Variants in BTBD9 observed in about 807,000 individuals in gnomAD.
The protein encoded by BTBD9 is BTB/POZ domain-containing protein 9.
BTBD9 carries 49 observed loss-of-function variants against 64.3 expected under a neutral mutation model. The ratio of observed to expected loss-of-function variants is 0.76; its 90% CI spans 0.61 to 0.97. The LOEUF is 0.97. Among genes scored for constraint, BTBD9 ranks in the 50% least tolerant of loss-of-function variants. The pLI is 0.00. For synonymous variants in BTBD9, 260 were observed against 274.7 expected, an observed-to-expected ratio of 0.95 and a Z score of 0.53; for missense variants, 598 against 762.1, an observed-to-expected ratio of 0.78 and a Z score of 2.53.
intron 6 of BTBD9, among the ~76,000 whole-genome samples, chr6:38,407,351 G>C: frequency 6.6e-6 from 1 of 152,064 alleles, no homozygotes; most frequent in African/African-American, 2.4e-5. Context: ...GATCATTTCA[G>C]AGCAATAAAA....
At chr6:38,441,163 A>G (rs905018340) in intron 6 of BTBD9, among the ~76,000 whole-genome samples, 3 of 152,122 alleles carry the variant, frequency 2.0e-5, no homozygotes, top group Admixed American at 1.3e-4. Context: ...TCCAGGCCCA[A>G]AGTGTTGTGG....
At chr6:38,526,636 C>T (rs1480920264) in intron 6 of BTBD9, among the ~76,000 whole-genome samples, 1 of 152,188 alleles carries the variant, frequency 6.6e-6, no homozygotes, top group Non-Finnish European at 1.5e-5. Flanking sequence ...GGGAGTGCAC[C>T]CCTTGCATCA....
intron 9 of BTBD9, among the ~76,000 whole-genome samples, chr6:38,241,574 A>G (rs1035272405): frequency 9.2e-5 from 14 of 152,144 alleles, no homozygotes; most frequent in African/African-American, 3.4e-4. Flanking sequence ...GCACTCGCAA[A>G]CTCCCTCCAA....
intron 6 of BTBD9, among the ~76,000 whole-genome samples, chr6:38,415,274 T>C (rs1030298801): frequency 6.6e-6 from 1 of 152,114 alleles, no homozygotes; most frequent in Non-Finnish European, 1.5e-5. Context: ...AATGGGGAGA[T>C]TATTTACCCT....
In BTBD9 at chr6:38,306,418, G is replaced by T. The variant is rs76717062; in HGVS notation, c.1265-17957C>A. Among the ~76,000 whole-genome samples the T allele has an allele frequency of 5.3e-3, 812 of 152,312 alleles. 6 individuals are homozygous for T. Among genetic ancestry groups the T allele is most frequent in the African/African-American group, 0.018 (754 of 41,560 alleles). On this transcript the variant is annotated intron_variant, in intron 7 of 10. Transcript: ENST00000481247. ...AAGGCAAAGGTGAACCGCCTGGACA[G>T]AAATTACTTTTCCCCCTCTGTGCAC...
chr6:38,407,548 G>C (rs970096016), intron 6 of BTBD9, among the ~76,000 whole-genome samples: 1 of 151,968 alleles, frequency 6.6e-6, no homozygotes, highest in African/African-American at 2.4e-5. Flanking sequence ...GTCTAGCTGG[G>C]GTTTTGAAGA....
intron 6 of BTBD9, among the ~76,000 whole-genome samples, chr6:38,573,281 A>T (rs7767791): frequency 0.064 from 9,722 of 152,244 alleles, 751 homozygotes; most frequent in East Asian, 0.24. Context: ...GAAATTGAGT[A>T]CAACATTTCC....
intron 9 of BTBD9, among the ~76,000 whole-genome samples, chr6:38,245,435 G>A (rs912440170): frequency 5.9e-5 from 9 of 152,168 alleles, no homozygotes; most frequent in African/African-American, 9.7e-5. Flanking sequence ...CATGGCATGC[G>A]CAAAGGCTCT....
At position 38,627,335 on chromosome 6, in the gene BTBD9, G is replaced by A. The variant is rs79481202; in HGVS notation, c.-28+12465C>T. Among the ~76,000 whole-genome samples, 959 of 152,272 alleles carry A rather than the reference G, an allele frequency of 6.3e-3. 8 individuals are homozygous for A. The highest frequency in any genetic ancestry group is 0.022 in the African/African-American group (899 of 41,542). ...TGTATTAAGAAATCCATGACATGGT[G>A]CTCTGTAGGCATTAAGGTACTGATA... On this transcript the variant is annotated intron_variant, in intron 1 of 10. Transcript: ENST00000481247.
At position 38,274,106 on chromosome 6, in the gene BTBD9, G is replaced by A. The variant is rs146221659; in HGVS notation, c.1454+14166C>T. ...AAGAGGTCCTTCACGTCCCTTGTACGTTGGATTCCTAGGTATTTTATTCTC... is the reference window on the plus strand; with the variant it reads ...AAGAGGTCCTTCACGTCCCTTGTACATTGGATTCCTAGGTATTTTATTCTC... On this transcript the variant is annotated intron_variant, in intron 8 of 10. Transcript: ENST00000481247. 4.9e-3 allele frequency among the ~76,000 whole-genome samples: 744 copies of A among 152,336 alleles called. 9 individuals carry two copies. Among genetic ancestry groups the A allele is most frequent in the African/African-American group, 0.017 (706 of 41,576 alleles).
chr6:38,464,021 G>T (rs1229717008), intron 6 of BTBD9, among the ~76,000 whole-genome samples: 3 of 152,158 alleles, frequency 2.0e-5, no homozygotes, highest in African/African-American at 7.2e-5. Context: ...AACAAAGTGA[G>T]ACCGTCTCAA....
intron 6 of BTBD9, among the ~76,000 whole-genome samples, chr6:38,551,075 C>A (rs569651081): frequency 6.6e-6 from 1 of 152,176 alleles, no homozygotes; most frequent in Non-Finnish European, 1.5e-5. Flanking sequence ...TATAATGAGG[C>A]CTTGCCTATT....
intron 4 of BTBD9, 106 bp from the exon 5 acceptor site, chr6:38,580,543 T>A: frequency 1.1e-6 from 1 of 931,626 alleles, no homozygotes; most frequent in Non-Finnish European, 1.6e-6. Context: ...TATCTGCATT[T>A]AAGAACAGCA....
chr6:38,614,499 C>A (rs913488126), intron 1 of BTBD9, among the ~76,000 whole-genome samples: 6 of 152,114 alleles, frequency 3.9e-5, no homozygotes, highest in Non-Finnish European at 2.9e-5. Flanking sequence ...AATTCCAGAC[C>A]CCTATATTAC....
intron 6 of BTBD9, among the ~76,000 whole-genome samples, chr6:38,511,499 C>T (rs536810472): frequency 2.6e-5 from 4 of 152,006 alleles, no homozygotes; most frequent in South Asian, 2.1e-4. Flanking sequence ...CCTGCCACCA[C>T]GCCTGGCTAA....
At chr6:38,617,400 C>T (rs543797418) in intron 1 of BTBD9, among the ~76,000 whole-genome samples, 1 of 152,256 alleles carries the variant, frequency 6.6e-6, no homozygotes, top group African/African-American at 2.4e-5. Context: ...CTCTCTTCTC[C>T]AAGGCTAGTC....
At chr6:38,319,811 G>C (rs73422843) in intron 7 of BTBD9, among the ~76,000 whole-genome samples, 4,868 of 152,030 alleles carry the variant, frequency 0.032, 238 homozygotes, top group African/African-American at 0.11. Flanking sequence ...GTCTCACTAG[G>C]TTGCATACTC....
intron 9 of BTBD9, among the ~76,000 whole-genome samples, chr6:38,254,702 C>T (rs1764515854): frequency 6.6e-6 from 1 of 152,136 alleles, no homozygotes; most frequent in African/African-American, 2.4e-5. Context: ...CACATGAAAA[C>T]CATAATGATA....
At chr6:38,290,388 G>C (rs1169895909) in intron 7 of BTBD9, among the ~76,000 whole-genome samples, 2 of 151,534 alleles carry the variant, frequency 1.3e-5, no homozygotes, top group Non-Finnish European at 2.9e-5. Context: ...CTGGAAAAAG[G>C]GCAGTATTCT....
Sources: gnomAD v4.1 joint callset for allele counts (sites outside exome capture counted in the v4.1 genomes callset) on GRCh38, gnomAD v4.1.1 for gene constraint, MANE v1.5 for transcripts, NCBI Gene and HGNC (gene_info 2026-07-23, HGNC 2026-07-21) for gene names.